The following TP63 variants were observed in gnomAD, a reference collection of about 807,000 sequenced individuals.
The protein encoded by TP63 is tumor protein p63, also known as tumor protein 63.
In TP63, 17 loss-of-function variants were observed where a neutral mutation model predicts 82.8. The ratio of observed to expected loss-of-function variants is 0.21; its 90% CI spans 0.14 to 0.31. The LOEUF (loss-of-function observed/expected upper bound fraction) is 0.31. TP63 is among the 10% of genes least tolerant of loss of function. The pLI, the probability that TP63 is intolerant of heterozygous loss-of-function variation, is 1.00. For synonymous variants in TP63, 330 were observed against 321.7 expected, an observed-to-expected ratio of 1.03 and a Z score of -0.28; for missense variants, 648 against 895.3, an observed-to-expected ratio of 0.72 and a Z score of 3.52.
At chr3:189,839,026 C>T (rs1305323897) in intron 4 of TP63, among the ~76,000 whole-genome samples, 1 of 60,218 alleles carries the variant, frequency 1.7e-5, no homozygotes, top group Non-Finnish European at 3.0e-5. Context: ...TAAAAAGCAA[C>T]TAGTATCCTA....
intron 1 of TP63, among the ~76,000 whole-genome samples, chr3:189,732,594 G>A (rs1232910496): frequency 1.3e-5 from 2 of 152,170 alleles, no homozygotes; most frequent in East Asian, 3.8e-4. Context: ...TGACAATTAT[G>A]TTGCACATTT....
At chr3:189,762,056 A>T (rs972362401) in intron 3 of TP63, among the ~76,000 whole-genome samples, 1 of 152,220 alleles carries the variant, frequency 6.6e-6, no homozygotes, top group Non-Finnish European at 1.5e-5. Flanking sequence ...TCTGGGTGAG[A>T]ACACAGAGCC....
the TP63 span, among the ~76,000 whole-genome samples, chr3:189,618,330 G>A: frequency 6.6e-6 from 1 of 152,172 alleles, no homozygotes; most frequent in Non-Finnish European, 1.5e-5. Flanking sequence ...GTCTTTCTTT[G>A]TATTGGGATG....
At chr3:189,659,264 G>C (rs184011206) in intron 1 of TP63, among the ~76,000 whole-genome samples, 4 of 151,700 alleles carry the variant, frequency 2.6e-5, no homozygotes, top group Non-Finnish European at 4.4e-5. Context: ...TTATGTCCCC[G>C]TATACCCAAT....
At chr3:189,765,565 T>TG (rs1440080145) in intron 3 of TP63, among the ~76,000 whole-genome samples, 3 of 151,056 alleles carry the variant, frequency 2.0e-5, no homozygotes, top group African/African-American at 7.3e-5. Context: ...CCCGAGTAGC[T>TG]GGGACTACAG....
chr3:189,853,103 T>A (rs1031604208), intron 4 of TP63, among the ~76,000 whole-genome samples: 3 of 152,216 alleles, frequency 2.0e-5, no homozygotes, highest in Non-Finnish European at 4.4e-5. Context: ...GCTAATCTGG[T>A]GACTTCTCAT....
At chr3:189,819,288 T>G (rs1436785615) in intron 4 of TP63, among the ~76,000 whole-genome samples, 1 of 152,076 alleles carries the variant, frequency 6.6e-6, no homozygotes, top group African/African-American at 2.4e-5. Context: ...TGTGCACTTT[T>G]TTTTTAAATT....
At chr3:189,761,406 C>T (rs1387320649) in intron 3 of TP63, among the ~76,000 whole-genome samples, 1 of 142,344 alleles carries the variant, frequency 7.0e-6, no homozygotes, top group East Asian at 1.9e-4. Context: ...TTGTGCAAAT[C>T]TGTAGGGCAG....
chr3:189,685,271 C>T (rs1441269393), intron 1 of TP63, among the ~76,000 whole-genome samples: 1 of 152,176 alleles, frequency 6.6e-6, no homozygotes, highest in Non-Finnish European at 1.5e-5. Context: ...TTGATAAAGG[C>T]AGAGTCAAAT....
At chr3:189,651,965 A>G (rs1712930711) in intron 1 of TP63, among the ~76,000 whole-genome samples, 1 of 147,006 alleles carries the variant, frequency 6.8e-6, no homozygotes, top group Admixed American at 6.7e-5. Flanking sequence ...GGGAACCTCC[A>G]CCTAGATTTA....
chr3:189,690,974 C>T (rs937408375), intron 1 of TP63, among the ~76,000 whole-genome samples: 4 of 152,058 alleles, frequency 2.6e-5, no homozygotes, highest in African/African-American at 4.8e-5. Context: ...AGAACAAGCA[C>T]GATATAGAGT....
chr3:189,863,895 T>G (rs764379436), intron 4 of TP63, among the ~76,000 whole-genome samples: 1 of 152,220 alleles, frequency 6.6e-6, no homozygotes, highest in Admixed American at 6.5e-5. Context: ...ACTTAGCTTC[T>G]GGTAATCTAT....
rs535911212 is a variant in TP63 at position 189,679,886 on chromosome 3, T to G, written c.62+48309T>G. Among the ~76,000 whole-genome samples the G allele has an allele frequency of 2.6e-5, 4 of 152,298 alleles. No individual in the cohort carries two copies. In the South Asian group the frequency reaches 8.3e-4, roughly 32 times the overall value. ...ATTGAAGAAGCTATCTGTTCCCTAT[T>G]GTATGTTCTTGGCACTTTGTGGAAA... On this transcript the variant is annotated intron_variant, in intron 1 of 13. Transcript: ENST00000264731.
chr3:189,682,549 AAAAAATATATATATATAT>A (rs1181347181), intron 1 of TP63, among the ~76,000 whole-genome samples: 808 of 30,342 alleles, frequency 0.027, 21 homozygotes, highest in Non-Finnish European at 0.042. Context: ...AAAAAAAAAA[AAAAAATATATATATATAT>A]ATATATATAT....
At chr3:189,891,588 C>G (rs1367575262) in intron 13 of TP63, among the ~76,000 whole-genome samples, 2 of 152,204 alleles carry the variant, frequency 1.3e-5, no homozygotes, top group African/African-American at 4.8e-5. Context: ...CTTTGCCTCT[C>G]TGGGCCTCAG....
chr3:189,755,030 C>G (rs1722087412), intron 3 of TP63, among the ~76,000 whole-genome samples: 1 of 152,142 alleles, frequency 6.6e-6, no homozygotes, highest in Non-Finnish European at 1.5e-5. Context: ...CTCAGACACA[C>G]TAGAGTTGAA....
chr3:189,780,530 T>A (rs1724151122), intron 3 of TP63, among the ~76,000 whole-genome samples: 1 of 152,198 alleles, frequency 6.6e-6, no homozygotes. Context: ...TAATTCTATG[T>A]ACACTTCACT....
At chr3:189,614,148 A>G in the TP63 span, among the ~76,000 whole-genome samples, 1 of 152,172 alleles carries the variant, frequency 6.6e-6, no homozygotes, top group Non-Finnish European at 1.5e-5. Flanking sequence ...TCCCCATTCA[A>G]ATCTCAACTT....
chr3:189,862,648 G>A (rs1160764903), intron 4 of TP63, among the ~76,000 whole-genome samples: 2 of 152,042 alleles, frequency 1.3e-5, no homozygotes, highest in Admixed American at 6.6e-5. Flanking sequence ...ACCTCCTAAC[G>A]AAAACACGAA....
Sources: gnomAD v4.1 joint callset for allele counts (sites outside exome capture counted in the v4.1 genomes callset) on GRCh38, gnomAD v4.1.1 for gene constraint, MANE v1.5 for transcripts, NCBI Gene and HGNC (gene_info 2026-07-23, HGNC 2026-07-21) for gene names.